NDST3: variants seen among roughly 807,000 people sequenced by gnomAD.
NDST3 encodes N-deacetylase and N-sulfotransferase 3.
NDST3 carries 58 observed loss-of-function variants against 96.1 expected under a neutral mutation model. The observed-to-expected ratio is 0.60, with a 90% CI of 0.49 to 0.75. The LOEUF (loss-of-function observed/expected upper bound fraction) is 0.75. NDST3 is among the 30% of genes least tolerant of loss of function. The pLI is 0.00. For synonymous variants in NDST3, 333 were observed against 359.7 expected, an observed-to-expected ratio of 0.93 and a Z score of 0.84; for missense variants, 788 against 1,034.2, an observed-to-expected ratio of 0.76 and a Z score of 3.27.
intron 8 of NDST3, among the ~76,000 whole-genome samples, chr4:118,228,869 C>T (rs1189150641): frequency 6.6e-6 from 1 of 152,186 alleles, no homozygotes; most frequent in Non-Finnish European, 1.5e-5. Context: ...TGACATCTTT[C>T]ATTTAGCATA....
chr4:118,146,206 G>T (rs1244383528), intron 6 of NDST3, among the ~76,000 whole-genome samples: 2 of 152,208 alleles, frequency 1.3e-5, no homozygotes, highest in African/African-American at 4.8e-5. Flanking sequence ...TACATTAGCT[G>T]CAGGAAAGTC....
intron 1 of NDST3, among the ~76,000 whole-genome samples, chr4:118,048,589 A>G (rs1157677027): frequency 6.6e-6 from 1 of 152,232 alleles, no homozygotes; most frequent in Non-Finnish European, 1.5e-5. Flanking sequence ...CTTATATTAG[A>G]TAAAACAAAC....
chr4:118,255,884 A>T lies in NDST3; in HGVS notation c.*172A>T, dbSNP rs1742092396. Reference sequence around the variant, plus strand: ...TAGAAAAAAAGAAAAAGTATGTGTTACAAGCCTTGAGGCCTGTGGCCTTTC... The same window carrying T: ...TAGAAAAAAAGAAAAAGTATGTGTTTCAAGCCTTGAGGCCTGTGGCCTTTC... On this transcript the variant is annotated 3_prime_UTR_variant, in exon 14 of 14. Coordinates refer to ENST00000296499, the MANE Select transcript of NDST3 (RefSeq NM_004784.3). 2 of 735,454 alleles carry T rather than the reference A, an allele frequency of 2.7e-6. No individual in the cohort carries two copies. Among genetic ancestry groups the T allele is most frequent in the Non-Finnish European group, 4.1e-6 (2 of 491,274 alleles). The allele number at this position is 735,454 out of a possible 1,614,324, so 45.6% of individuals were successfully genotyped here.
In NDST3 at chr4:118,099,449, G is replaced by A. The variant is rs190100581; in HGVS notation, c.982-5569G>A. 4.0e-3 allele frequency among the ~76,000 whole-genome samples: 608 copies of A among 152,166 alleles called. 5 individuals are homozygous for A. The highest frequency in any genetic ancestry group is 0.014 in the African/African-American group (575 of 41,538). ...TCTTTAAGACTATTTTAATCTGGCAGGACAAATACAGTTTCTACATTTTTA... is the reference window on the plus strand; with the variant it reads ...TCTTTAAGACTATTTTAATCTGGCAAGACAAATACAGTTTCTACATTTTTA... On this transcript the variant is annotated intron_variant, in intron 2 of 13. Transcript: ENST00000296499.
intron 2 of NDST3, among the ~76,000 whole-genome samples, chr4:118,099,895 G>A (rs1385756854): frequency 1.3e-5 from 2 of 151,986 alleles, no homozygotes; most frequent in Non-Finnish European, 2.9e-5. Flanking sequence ...AGACTAAGGT[G>A]GTCATTGGAG....
intron 6 of NDST3, among the ~76,000 whole-genome samples, chr4:118,200,878 G>C (rs191295315): frequency 6.6e-6 from 1 of 152,112 alleles, no homozygotes; most frequent in East Asian, 1.9e-4. Context: ...TGGAGTACAG[G>C]TTCCCTCACC....
At chr4:118,055,080 T>A (rs549123773) in intron 2 of NDST3, 189 bp downstream of exon 2, 24 of 724,004 alleles carry the variant, frequency 3.3e-5, no homozygotes, top group Admixed American at 1.1e-4. Context: ...TCAAGAAAAA[T>A]AAAGATTTTA....
intron 2 of NDST3, among the ~76,000 whole-genome samples, chr4:118,099,332 T>C (rs1729589956): frequency 5.3e-5 from 8 of 152,102 alleles, no homozygotes; most frequent in Admixed American, 5.2e-4. Flanking sequence ...CCTAAGGCAA[T>C]TTAACAAGAG....
chr4:118,251,568 C>T (rs1456905588), intron 12 of NDST3, among the ~76,000 whole-genome samples: 1 of 152,052 alleles, frequency 6.6e-6, no homozygotes. Flanking sequence ...CACTGACTTA[C>T]CTTGGCAGCC....
chr4:118,213,275 G>A (rs1296827545), intron 6 of NDST3, among the ~76,000 whole-genome samples: 1 of 152,132 alleles, frequency 6.6e-6, no homozygotes, highest in Non-Finnish European at 1.5e-5. Context: ...TCTTATTCAT[G>A]CCCCAGGTGA....
At chr4:118,196,394 T>G (rs2125973030) in intron 6 of NDST3, among the ~76,000 whole-genome samples, 1 of 152,304 alleles carries the variant, frequency 6.6e-6, no homozygotes, top group Admixed American at 6.5e-5. Flanking sequence ...CCTCCTCTAT[T>G]TTTTCAGAAT....
intron 6 of NDST3, among the ~76,000 whole-genome samples, chr4:118,199,684 C>G (rs1737937284): frequency 6.6e-6 from 1 of 152,098 alleles, no homozygotes; most frequent in Non-Finnish European, 1.5e-5. Context: ...AGTCTGGGCT[C>G]TTTATACCCA....
intron 6 of NDST3, among the ~76,000 whole-genome samples, chr4:118,181,855 A>G (rs917705632): frequency 1.3e-5 from 2 of 152,192 alleles, no homozygotes; most frequent in African/African-American, 4.8e-5. Context: ...TCTATAAGGC[A>G]ATTTGAAACT....
In NDST3 at chr4:118,224,776, T is replaced by C. The variant is rs1389703269; in HGVS notation, c.1722+103T>C. The C allele has an allele frequency of 4.0e-6, 4 of 1,006,072 alleles. No homozygotes were observed. In the Admixed American group the frequency reaches 9.4e-5, roughly 24 times the overall value. 62.3% of individuals were successfully genotyped at this position (1,006,072 alleles called of 1,614,324 possible). A position where few individuals can be genotyped will look rare whatever the true frequency, so the allele number is the denominator to read the frequency against. On this transcript the variant is annotated intron_variant, in intron 7 of 13. Coordinates refer to ENST00000296499, the MANE Select transcript of NDST3 (RefSeq NM_004784.3). ...TGAAGGCACCTGAAAAAACCTGCAT[T>C]TTGGAAATGTTAGTAAATTTGAGAA...
At chr4:118,144,709 T>C (rs996339681) in intron 6 of NDST3, among the ~76,000 whole-genome samples, 166 of 151,012 alleles carry the variant, frequency 1.1e-3, no homozygotes, top group African/African-American at 3.9e-3. Context: ...GCATTGGCAA[T>C]ATTCAAGATG....
At chr4:118,161,050 T>C (rs1735082134) in intron 6 of NDST3, among the ~76,000 whole-genome samples, 1 of 152,198 alleles carries the variant, frequency 6.6e-6, no homozygotes, top group Middle Eastern at 3.2e-3. Flanking sequence ...GGGTTTTTGG[T>C]GTGGATGTCC....
At chr4:118,072,528 T>C (rs1294904229) in intron 2 of NDST3, among the ~76,000 whole-genome samples, 1 of 152,120 alleles carries the variant, frequency 6.6e-6, no homozygotes, top group African/African-American at 2.4e-5. Flanking sequence ...GGCACTCAGC[T>C]TTGATGTTGT....
chr4:118,224,712 C>T (rs1739762896), intron 7 of NDST3, 39 bp downstream of exon 7: 1 of 1,476,884 alleles, frequency 6.8e-7, no homozygotes, highest in African/African-American at 1.4e-5. Context: ...CAGTTAATTC[C>T]AGGAACATAA....
chr4:118,059,948 T>C (rs1578553195), intron 2 of NDST3, among the ~76,000 whole-genome samples: 2 of 152,190 alleles, frequency 1.3e-5, no homozygotes, highest in African/African-American at 4.8e-5. Flanking sequence ...AATTTTATTA[T>C]GCTATAGAAG....
Sources: gnomAD v4.1 joint callset for allele counts (sites outside exome capture counted in the v4.1 genomes callset) on GRCh38, gnomAD v4.1.1 for gene constraint, MANE v1.5 for transcripts, NCBI Gene and HGNC (gene_info 2026-07-23, HGNC 2026-07-21) for gene names.